The following SLC14A2 variants were observed in gnomAD, a reference collection of about 807,000 sequenced individuals.
SLC14A2 encodes solute carrier family 14 member 2.
A neutral mutation model predicts 104.6 loss-of-function variants in SLC14A2; 91 were observed. The ratio of observed to expected loss-of-function variants is 0.87; its 90% CI spans 0.73 to 1.04. The LOEUF is 1.04. Among genes scored for constraint, SLC14A2 ranks in the 50% least tolerant of loss-of-function variants. The pLI, the probability that SLC14A2 is intolerant of heterozygous loss-of-function variation, is 0.00. For synonymous variants in SLC14A2, 476 were observed against 466.4 expected (o/e 1.02, Z -0.27); for missense variants, 1,189 against 1,156.0 (o/e 1.03, Z -0.41).
intron 4 of SLC14A2, among the ~76,000 whole-genome samples, chr18:45,630,362 C>A (rs1222187716): frequency 6.6e-6 from 1 of 152,156 alleles, no homozygotes; most frequent in Non-Finnish European, 1.5e-5. Flanking sequence ...TCCATCACCC[C>A]CACTACCCTT....
At chr18:45,441,418 G>A (rs1470555355) in intron 1 of SLC14A2, among the ~76,000 whole-genome samples, 1 of 152,142 alleles carries the variant, frequency 6.6e-6, no homozygotes, top group Non-Finnish European at 1.5e-5. Flanking sequence ...CCTAAAAGAA[G>A]AATGCCATAG....
intron 1 of SLC14A2, among the ~76,000 whole-genome samples, chr18:45,461,443 T>C (rs1252926212): frequency 6.6e-6 from 1 of 152,220 alleles, no homozygotes; most frequent in East Asian, 1.9e-4. Flanking sequence ...ATCCTGACCA[T>C]CTTTTAGAAG....
intron 1 of SLC14A2, among the ~76,000 whole-genome samples, chr18:45,267,805 G>T (rs1292462133): frequency 1.3e-5 from 2 of 152,126 alleles, no homozygotes; most frequent in Non-Finnish European, 2.9e-5. Flanking sequence ...GATTGCAAAG[G>T]TGTTTCCCAA....
At chr18:45,625,547 A>G in intron 2 of SLC14A2, 136 bp from the exon 3 acceptor site, 1 of 612,908 alleles carries the variant, frequency 1.6e-6, no homozygotes, top group Non-Finnish European at 2.6e-6. Flanking sequence ...GCAGCCGCAG[A>G]CAATGGGCAT....
At chr18:45,249,289 T>C (rs1332116988) in intron 1 of SLC14A2, among the ~76,000 whole-genome samples, 1 of 152,118 alleles carries the variant, frequency 6.6e-6, no homozygotes, top group Non-Finnish European at 1.5e-5. Flanking sequence ...AGCCTTTTTT[T>C]TTTTTTTATC....
At chr18:45,647,235 G>C (rs2144574844) in intron 10 of SLC14A2, 1 of 152,260 alleles carries the variant, frequency 6.6e-6, no homozygotes, top group South Asian at 2.1e-4. Flanking sequence ...GCTTCATCTT[G>C]AGTCAAGCTT....
the SLC14A2 span, among the ~76,000 whole-genome samples, chr18:45,170,750 C>G: frequency 6.6e-6 from 1 of 152,136 alleles, no homozygotes; most frequent in African/African-American, 2.4e-5. Context: ...TCCTATTTTC[C>G]TGTGGGTCTA....
chr18:45,459,193 C>T (rs1200515564), intron 1 of SLC14A2, among the ~76,000 whole-genome samples: 1 of 152,152 alleles, frequency 6.6e-6, no homozygotes, highest in African/African-American at 2.4e-5. Context: ...CCACCGCCTG[C>T]CAGGGATCCC....
chr18:45,554,692 C>G (rs2144293439), intron 2 of SLC14A2, among the ~76,000 whole-genome samples: 1 of 152,198 alleles, frequency 6.6e-6, no homozygotes, highest in East Asian at 1.9e-4. Context: ...CGCCCTTCTG[C>G]CCAACATGGT....
At chr18:45,241,770 A>G (rs1599605273) in intron 1 of SLC14A2, among the ~76,000 whole-genome samples, 1 of 150,106 alleles carries the variant, frequency 6.7e-6, no homozygotes, top group African/African-American at 2.5e-5. Flanking sequence ...CAGCTTCCTG[A>G]GTAGCTGGGA....
intron 18 of SLC14A2, among the ~76,000 whole-genome samples, chr18:45,676,765 G>T (rs1025841311): frequency 4.6e-5 from 7 of 152,174 alleles, no homozygotes; most frequent in Non-Finnish European, 1.0e-4. Context: ...CTTCCCTCCA[G>T]CCCCATAAAG....
chr18:45,591,035 C>A (rs1414647289), intron 2 of SLC14A2, among the ~76,000 whole-genome samples: 1 of 152,160 alleles, frequency 6.6e-6, no homozygotes, highest in Non-Finnish European at 1.5e-5. Flanking sequence ...TGCCACCACC[C>A]TCCCCACTCC....
intron 1 of SLC14A2, among the ~76,000 whole-genome samples, chr18:45,263,695 T>G (rs1177104330): frequency 6.6e-6 from 1 of 152,224 alleles, no homozygotes; most frequent in African/African-American, 2.4e-5. Flanking sequence ...TTTAGACTCA[T>G]GGATATTTAT....
chr18:45,354,884 C>A (rs973246927), intron 1 of SLC14A2, among the ~76,000 whole-genome samples: 1 of 152,190 alleles, frequency 6.6e-6, no homozygotes, highest in Non-Finnish European at 1.5e-5. Flanking sequence ...GTGGACTGGG[C>A]ACTCACTAAA....
intron 1 of SLC14A2, among the ~76,000 whole-genome samples, chr18:45,324,765 GCA>G (rs1438914084): frequency 6.7e-6 from 1 of 149,248 alleles, no homozygotes; most frequent in African/African-American, 2.5e-5. Context: ...CCCCACCCCC[GCA>G]CACACACACA....
At chr18:45,569,703 T>C (rs754758085) in intron 2 of SLC14A2, among the ~76,000 whole-genome samples, 10 of 152,182 alleles carry the variant, frequency 6.6e-5, no homozygotes, top group Non-Finnish European at 1.5e-4. Flanking sequence ...ATGGCAAAGT[T>C]AGCTGGCTCA....
chr18:45,535,094 G>T (rs2144841957), intron 2 of SLC14A2, among the ~76,000 whole-genome samples: 1 of 152,306 alleles, frequency 6.6e-6, no homozygotes, highest in Admixed American at 6.5e-5. Context: ...CAACCAAAAA[G>T]CTCTTTCTGT....
At chr18:45,411,679 G>A (rs1459160121) in intron 1 of SLC14A2, among the ~76,000 whole-genome samples, 1 of 152,194 alleles carries the variant, frequency 6.6e-6, no homozygotes, top group Non-Finnish European at 1.5e-5. Context: ...GTAGTGAGCT[G>A]AGAGGAAAAT....
chr18:45,564,532 G>A (rs527540796), intron 2 of SLC14A2, among the ~76,000 whole-genome samples: 14 of 152,072 alleles, frequency 9.2e-5, no homozygotes, highest in African/African-American at 2.9e-4. Context: ...CAAACACCTC[G>A]CACTGAACCT....
Sources: gnomAD v4.1 joint callset for allele counts (sites outside exome capture counted in the v4.1 genomes callset) on GRCh38, gnomAD v4.1.1 for gene constraint, MANE v1.5 for transcripts, NCBI Gene and HGNC (gene_info 2026-07-23, HGNC 2026-07-21) for gene names.